Variants in PCDHGB4 observed in about 807,000 individuals in gnomAD.
The protein encoded by PCDHGB4 is protocadherin gamma subfamily B, 4.
In PCDHGB4, 38 loss-of-function variants were observed where a neutral mutation model predicts 60.5. That is an observed-to-expected ratio of 0.63 (90% CI 0.48 to 0.82). The LOEUF is 0.82. Among genes scored for constraint, PCDHGB4 ranks in the 40% least tolerant of loss-of-function variants. PCDHGB4 has a pLI of 0.00. For missense variants in PCDHGB4, 1,109 were observed against 1,209.6 expected, an observed-to-expected ratio of 0.92 and a Z score of 1.23; for synonymous variants, 456 against 509.7, an observed-to-expected ratio of 0.89 and a Z score of 1.42.
chr5:141,511,345 T>TC lies in PCDHGB4; in HGVS notation c.*179dup, dbSNP rs535135679. The TC allele has an allele frequency of 6.6e-4, 924 of 1,410,366 alleles. 3 individuals are homozygous for TC. The African/African-American group carries it at 0.011, about 17-fold the overall frequency. 87.4% of individuals were successfully genotyped at this position (1,410,366 alleles called of 1,614,324 possible). ...AAGTGCCCAGTCAGCACCTACCCCT[T>TC]CCCCCCCAGGGGGTTGAATATGCAA... On this transcript the variant is annotated 3_prime_UTR_variant, in exon 4 of 4. Coordinates refer to ENST00000519479, the MANE Select transcript of PCDHGB4 (RefSeq NM_003736.4).
intron 1 of PCDHGB4, chr5:141,416,038 G>T: frequency 5.1e-6 from 1 of 196,894 alleles, no homozygotes; most frequent in Non-Finnish European, 1.0e-5. Flanking sequence ...AATCACCTCT[G>T]GAAACACAAC....
intron 1 of PCDHGB4, chr5:141,397,846 A>C: frequency 1.9e-6 from 1 of 528,462 alleles, no homozygotes; most frequent in South Asian, 3.1e-5. Flanking sequence ...GAAGCCGCAG[A>C]GGCTGTAGTT....
Position 141,476,231 on chromosome 5 carries a change from G to A in PCDHGB4, c.2398-18576G>A. The A allele has an allele frequency of 6.2e-7, 1 of 1,614,084 alleles. No individual in the cohort carries two copies. Among genetic ancestry groups the A allele is most frequent in the Non-Finnish European group, 8.5e-7 (1 of 1,180,034 alleles). On this transcript the variant is annotated intron_variant, in intron 1 of 3. Coordinates refer to ENST00000519479, the MANE Select transcript of PCDHGB4 (RefSeq NM_003736.4). The surrounding 1 kb of genome is among the most constrained non-coding windows in gnomAD (Gnocchi z 7.6). ...CACGGTCATTCACTATGAGATCCCG[G>A]AGGAAAGAGAGAAGGGTTTCGCTGT...
intron 1 of PCDHGB4, chr5:141,433,151 G>T (rs2097572071): frequency 1.2e-6 from 2 of 1,614,006 alleles, no homozygotes; most frequent in African/African-American, 1.3e-5. Context: ...AGGTGATTCG[G>T]TATTTTCTAA....
intron 1 of PCDHGB4, among the ~76,000 whole-genome samples, chr5:141,472,136 A>T (rs1172420221): frequency 1.1e-4 from 17 of 152,262 alleles, no homozygotes; most frequent in Non-Finnish European, 2.5e-4. Flanking sequence ...AGTTAAAAAT[A>T]AAAGTTTCAT....
intron 1 of PCDHGB4, chr5:141,415,452 C>G (rs2095870569): frequency 1.9e-6 from 3 of 1,614,122 alleles, no homozygotes; most frequent in Admixed American, 1.7e-5. Context: ...CCTATTCCCA[C>G]GAGGTCTCTC....
Position 141,486,895 on chromosome 5 carries a change from C to T in PCDHGB4, c.2398-7912C>T, listed in dbSNP as rs1286004461. ...TCCGTCCTCGGGCCCGGCCTGGTTC[C>T]TTATGTCCCCAAGCACTGCCTCCAT... On this transcript the variant is annotated intron_variant, in intron 1 of 3. Coordinates refer to ENST00000519479, the MANE Select transcript of PCDHGB4 (RefSeq NM_003736.4). This position sits in a 1 kb window ranked among gnomAD's most constrained non-coding sequence, Gnocchi z 5.0. 3 of 1,614,134 alleles carry T rather than the reference C, an allele frequency of 1.9e-6. No homozygotes were observed. The highest frequency in any genetic ancestry group is 3.3e-5 in the Admixed American group (2 of 60,012).
At chr5:141,427,882 A>G (rs2097084180) in intron 1 of PCDHGB4, 3 of 1,563,878 alleles carry the variant, frequency 1.9e-6, no homozygotes, top group Non-Finnish European at 2.6e-6. Flanking sequence ...ATGCAGGCCC[A>G]CGACCAGGGC....
intron 1 of PCDHGB4, among the ~76,000 whole-genome samples, chr5:141,407,257 T>C (rs1325198387): frequency 1.3e-5 from 2 of 152,240 alleles, no homozygotes; most frequent in Non-Finnish European, 2.9e-5. Context: ...CTCATATTTT[T>C]AACCATGCAA....
At chr5:141,398,675 A>C (rs1462726875) in intron 1 of PCDHGB4, 1 of 1,613,974 alleles carries the variant, frequency 6.2e-7, no homozygotes, top group Non-Finnish European at 8.5e-7. Flanking sequence ...TTAATAATTA[A>C]GGAGAAACAG....
At chr5:141,407,429 C>T (rs2094929018) in intron 1 of PCDHGB4, among the ~76,000 whole-genome samples, 1 of 151,532 alleles carries the variant, frequency 6.6e-6, no homozygotes, top group Admixed American at 6.6e-5. Flanking sequence ...ATGTCTCTTG[C>T]CCTTAAAACC....
chr5:141,388,703 C>T lies in PCDHGB4; in HGVS notation c.819C>T (p.Val273=). ...CTGCCACGGACCAGGATGAGGGTGTCAATGCCGAGATTACTTTCTCTTTCA... is the reference window on the plus strand; with the variant it reads ...CTGCCACGGACCAGGATGAGGGTGTTAATGCCGAGATTACTTTCTCTTTCA... ...QVTATDQDEG[V]NAEITFSFSE... is the part of the protein sequence containing the mutation. Residue 273 remains valine, a synonymous_variant, in exon 1 of 4, where the codon GTC becomes GTT. Transcript: ENST00000519479. 6.2e-7 allele frequency: 1 copy of T among 1,613,982 alleles called. No homozygotes were observed. The highest frequency in any genetic ancestry group is 8.5e-7 in the Non-Finnish European group (1 of 1,179,886).
At chr5:141,395,110 G>A (rs2150602560) in intron 1 of PCDHGB4, 1 of 1,614,214 alleles carries the variant, frequency 6.2e-7, no homozygotes, top group Admixed American at 1.7e-5. Context: ...TCGCGGAAGA[G>A]TCACCTGATC....
chr5:141,479,636 CA>C (rs1397283180), intron 1 of PCDHGB4: 1 of 152,080 alleles, frequency 6.6e-6, no homozygotes, highest in African/African-American at 2.4e-5. Flanking sequence ...TTAACAATAA[CA>C]ACAACAACAA....
At chr5:141,394,071 A>G (rs953618981) in intron 1 of PCDHGB4, 1 of 1,613,908 alleles carries the variant, frequency 6.2e-7, no homozygotes, top group Non-Finnish European at 8.5e-7. Context: ...TATCTACAAT[A>G]TCACAGTGAT....
At chr5:141,406,448 A>G (rs149183502) in intron 1 of PCDHGB4, among the ~76,000 whole-genome samples, 1 of 152,348 alleles carries the variant, frequency 6.6e-6, no homozygotes, top group African/African-American at 2.4e-5. Context: ...TTCCATTTCT[A>G]TGACAGGAAA....
intron 1 of PCDHGB4, among the ~76,000 whole-genome samples, chr5:141,459,220 A>G (rs1234283814): frequency 6.6e-6 from 1 of 152,234 alleles, no homozygotes; most frequent in Non-Finnish European, 1.5e-5. Flanking sequence ...CTCCAGCTCC[A>G]GGCAACAACT....
chr5:141,415,819 T>C, intron 1 of PCDHGB4: 1 of 1,328,322 alleles, frequency 7.5e-7, no homozygotes, highest in Admixed American at 3.5e-5. Context: ...CTATATATCA[T>C]AAGGCTTTGT....
At chr5:141,501,901 C>T (rs1595767273) in intron 2 of PCDHGB4, among the ~76,000 whole-genome samples, 1 of 152,070 alleles carries the variant, frequency 6.6e-6, no homozygotes, top group Non-Finnish European at 1.5e-5. Context: ...TGGTTCCAAC[C>T]CCACTGTTCC....
Sources: gnomAD v4.1 joint callset for allele counts (sites outside exome capture counted in the v4.1 genomes callset) on GRCh38, gnomAD v4.1.1 for gene constraint, Gnocchi (gnomAD v3.1) non-coding constraint, MANE v1.5 for transcripts, NCBI Gene and HGNC (gene_info 2026-07-23, HGNC 2026-07-21) for gene names.